TAFA1: variants seen among roughly 807,000 people sequenced by gnomAD.
TAFA1 encodes TAFA chemokine like family member 1.
TAFA1 carries 4 observed loss-of-function variants against 18.5 expected under a neutral mutation model. The observed-to-expected ratio is 0.22, with a 90% CI of 0.11 to 0.49. TAFA1 has a LOEUF of 0.49. TAFA1 is among the 20% of genes least tolerant of loss of function. The probability of loss-of-function intolerance (pLI) is 0.98; values close to 1 mark genes in which losing one functional copy is unlikely to be tolerated. For synonymous variants in TAFA1, 56 were observed against 55.2 expected, an observed-to-expected ratio of 1.01 and a Z score of -0.06; for missense variants, 147 against 169.0, an observed-to-expected ratio of 0.87 and a Z score of 0.72.
intron 2 of TAFA1, chr3:68,192,444 A>T: frequency 5.0e-6 from 1 of 199,400 alleles, no homozygotes; most frequent in African/African-American, 2.3e-5. Context: ...AATGTGTCTG[A>T]TGGGAATACC....
chr3:68,514,846 A>C (rs1368321373), intron 3 of TAFA1, among the ~76,000 whole-genome samples: 2 of 152,136 alleles, frequency 1.3e-5, no homozygotes, highest in East Asian at 1.9e-4. Context: ...TCCAGTTTTT[A>C]GTTGTATATG....
intron 3 of TAFA1, among the ~76,000 whole-genome samples, chr3:68,477,957 A>T (rs1687134482): frequency 6.6e-6 from 1 of 152,200 alleles, no homozygotes. Flanking sequence ...TAGTTCCACT[A>T]ATGGCTTGGA....
chr3:68,329,239 T>TTTTTC (rs1366688929), intron 2 of TAFA1, among the ~76,000 whole-genome samples: 3 of 144,482 alleles, frequency 2.1e-5, no homozygotes, highest in African/African-American at 7.7e-5. Context: ...TTTTTTTTTT[T>TTTTTC]GTATTTTTAG....
At chr3:68,270,247 G>T (rs1032123636) in intron 2 of TAFA1, among the ~76,000 whole-genome samples, 7 of 152,132 alleles carry the variant, frequency 4.6e-5, no homozygotes, top group Admixed American at 2.0e-4. Flanking sequence ...TTAGAATGAG[G>T]TTGAAATGGT....
At position 68,377,613 on chromosome 3, in the gene TAFA1, C is replaced by G. The variant is rs2106655768; in HGVS notation, c.119-39667C>G. ...AATTGAAGCTAGCTGCAGAAATTTG[C>G]ATAAGTAACGAGGATTTAATTGTTA... On this transcript the variant is annotated intron_variant, in intron 2 of 4. Transcript: ENST00000478136. 2.0e-5 allele frequency among the ~76,000 whole-genome samples: 3 copies of G among 152,252 alleles called. No individual in the cohort carries two copies. The South Asian group carries it at 6.2e-4, about 32-fold the overall frequency.
chr3:68,261,930 CA>C (rs11432701), intron 2 of TAFA1, among the ~76,000 whole-genome samples: 3 of 148,730 alleles, frequency 2.0e-5, no homozygotes, highest in South Asian at 2.1e-4. Context: ...AATAAAATTA[CA>C]AAAAAAAGAA....
intron 3 of TAFA1, among the ~76,000 whole-genome samples, chr3:68,480,562 G>A (rs902748782): frequency 6.6e-6 from 1 of 152,124 alleles, no homozygotes. Context: ...TGAACTAAAT[G>A]ATCTGTAATA....
intron 2 of TAFA1, among the ~76,000 whole-genome samples, chr3:68,120,159 TTCTC>T (rs2065371626): frequency 1.4e-5 from 2 of 147,064 alleles, no homozygotes; most frequent in East Asian, 2.0e-4. Context: ...CTTTCTTTCT[TTCTC>T]TTTCTTTCTC....
intron 2 of TAFA1, among the ~76,000 whole-genome samples, chr3:68,245,141 T>C (rs1298395167): frequency 6.6e-6 from 1 of 152,226 alleles, no homozygotes; most frequent in African/African-American, 2.4e-5. Flanking sequence ...GTTACGAAAT[T>C]TGACCAGGCA....
chr3:67,993,116 G>T, the TAFA1 span, among the ~76,000 whole-genome samples: 1 of 152,214 alleles, frequency 6.6e-6, no homozygotes, highest in African/African-American at 2.4e-5. Context: ...CACATGCAGA[G>T]AAATAGGAAA....
At chr3:68,253,716 A>T (rs948969517) in intron 2 of TAFA1, among the ~76,000 whole-genome samples, 40 of 151,956 alleles carry the variant, frequency 2.6e-4, no homozygotes, top group African/African-American at 7.5e-4. Context: ...TCTCATGGGG[A>T]GGATTTTATC....
chr3:68,205,074 C>T lies in TAFA1; in HGVS notation c.118+198330C>T, dbSNP rs537813303. On this transcript the variant is annotated intron_variant, in intron 2 of 4. Coordinates refer to ENST00000478136, the MANE Select transcript of TAFA1 (RefSeq NM_213609.4). ...TGGAATTCCATAACCCAGGTAAGCC[C>T]GAGAAAATGAACCATGACTTTTAAT... 6.6e-5 allele frequency among the ~76,000 whole-genome samples: 10 copies of T among 151,820 alleles called. No homozygotes were observed. The South Asian group carries it at 1.7e-3, about 25-fold the overall frequency.
intron 2 of TAFA1, among the ~76,000 whole-genome samples, chr3:68,252,595 G>C (rs2067218987): frequency 6.6e-6 from 1 of 152,054 alleles, no homozygotes; most frequent in African/African-American, 2.4e-5. Context: ...CTTATCATTG[G>C]AGGCATCTGT....
At chr3:68,041,038 C>T (rs76312413) in intron 2 of TAFA1, among the ~76,000 whole-genome samples, 2,717 of 152,260 alleles carry the variant, frequency 0.018, 98 homozygotes, top group African/African-American at 0.063. Flanking sequence ...CAGTGCCTCT[C>T]TTCTGCCAAA....
chr3:68,494,466 C>G (rs1351079386), intron 3 of TAFA1, among the ~76,000 whole-genome samples: 1 of 152,140 alleles, frequency 6.6e-6, no homozygotes, highest in Non-Finnish European at 1.5e-5. Context: ...TCAAATTTCA[C>G]AGCTGAAAAA....
intron 2 of TAFA1, among the ~76,000 whole-genome samples, chr3:68,218,439 T>G (rs2066688124): frequency 1.3e-5 from 2 of 152,082 alleles, no homozygotes; most frequent in South Asian, 4.1e-4. Flanking sequence ...TGTGACTGAT[T>G]CCCAGGTCAC....
Position 68,073,684 on chromosome 3 carries a change from T to C in TAFA1, c.118+66940T>C, listed in dbSNP as rs953720303. Among the ~76,000 whole-genome samples the C allele has an allele frequency of 4.6e-5, 7 of 152,320 alleles. 1 individual carries two copies. Among genetic ancestry groups the C allele is most frequent in the African/African-American group, 1.7e-4 (7 of 41,566 alleles). On this transcript the variant is annotated intron_variant, in intron 2 of 4. Transcript: ENST00000478136. ...ATACACAATATTTTTTTTTCTCCAA[T>C]GTATATTAGTTATACTGGTGGTGAG...
At chr3:68,306,136 T>G (rs904064685) in intron 2 of TAFA1, among the ~76,000 whole-genome samples, 3 of 152,190 alleles carry the variant, frequency 2.0e-5, no homozygotes, top group African/African-American at 7.2e-5. Flanking sequence ...GAGCTTCAGA[T>G]TCCAAAAGGA....
chr3:67,991,827 TCTC>T, the TAFA1 span, among the ~76,000 whole-genome samples: 1 of 152,164 alleles, frequency 6.6e-6, no homozygotes, highest in Non-Finnish European at 1.5e-5. Context: ...CCCTAATAAA[TCTC>T]CTCATATGTC....
Sources: allele counts gnomAD v4.1 joint callset (sites outside exome capture counted in the v4.1 genomes callset), GRCh38; gene constraint gnomAD v4.1.1; transcripts MANE v1.5; gene names NCBI Gene and HGNC (gene_info 2026-07-23, HGNC 2026-07-21).